The following SMG6 variants were observed in gnomAD, a reference collection of about 807,000 sequenced individuals.
SMG6 encodes telomerase-binding protein EST1A.
A neutral mutation model predicts 142.2 loss-of-function variants in SMG6; 66 were observed. That is an observed-to-expected ratio of 0.46 (90% CI 0.38 to 0.57). SMG6 has a LOEUF of 0.57. Ranked by LOEUF, SMG6 falls within the 20% of genes least tolerant of loss-of-function variation. SMG6 has a pLI of 0.00. For missense variants in SMG6, 1,793 were observed against 1,832.0 expected (o/e 0.98, Z 0.39); for synonymous variants, 779 against 702.4 (o/e 1.11, Z -1.72).
Position 2,068,274 on chromosome 17 carries a change from G to A in SMG6, c.3835+504C>T, listed in dbSNP as rs950596296. 2.0e-5 allele frequency among the ~76,000 whole-genome samples: 3 copies of A among 152,198 alleles called. No homozygotes were observed. The highest frequency in any genetic ancestry group is 2.9e-5 in the Non-Finnish European group (2 of 68,028). ...CATGAGCCAAGGGCTTGCTCTGGAG[G>A]GTTCCTGCTGGCCTAGCCTTAGGGT... On this transcript the variant is annotated intron_variant, in intron 16 of 18. Coordinates refer to ENST00000263073, the MANE Select transcript of SMG6 (RefSeq NM_017575.5). This position sits in a 1 kb window ranked among gnomAD's most constrained non-coding sequence, Gnocchi z 6.7.
chr17:2,245,890 G>C (rs946511548), intron 8 of SMG6, among the ~76,000 whole-genome samples: 1 of 151,934 alleles, frequency 6.6e-6, no homozygotes, highest in Non-Finnish European at 1.5e-5. Context: ...ACGTTGCCCA[G>C]ACTGGTCTCA....
chr17:2,302,512 G>A (rs1183204794), intron 1 of SMG6, among the ~76,000 whole-genome samples: 1 of 152,240 alleles, frequency 6.6e-6, no homozygotes, highest in African/African-American at 2.4e-5. Flanking sequence ...CTGCACTCCA[G>A]CCTGGGCGAC....
chr17:2,193,182 G>A (rs1376631318), intron 10 of SMG6, among the ~76,000 whole-genome samples: 1 of 152,192 alleles, frequency 6.6e-6, no homozygotes, highest in East Asian at 1.9e-4. Context: ...TGCTGTCTAT[G>A]TGGTAGTGGC....
At chr17:2,293,635 A>C (rs768506262) in intron 4 of SMG6, among the ~76,000 whole-genome samples, 1 of 151,924 alleles carries the variant, frequency 6.6e-6, no homozygotes, top group Non-Finnish European at 1.5e-5. Context: ...ATGCCTGGCT[A>C]ATTTTTTTAT....
intron 5 of SMG6, 96 bp downstream of exon 5, chr17:2,292,775 G>A (rs1439766913): frequency 1.3e-5 from 18 of 1,384,392 alleles, no homozygotes; most frequent in Non-Finnish European, 1.6e-5. Context: ...GACCAATAGG[G>A]ACACCTGTAC....
At chr17:2,084,875 C>A in intron 14 of SMG6, among the ~76,000 whole-genome samples, 1 of 152,196 alleles carries the variant, frequency 6.6e-6, no homozygotes, top group Non-Finnish European at 1.5e-5. Flanking sequence ...CACAGCAGGG[C>A]AGCTGGAAGT....
intron 1 of SMG6, among the ~76,000 whole-genome samples, chr17:2,302,689 T>G (rs1014176409): frequency 3.3e-5 from 5 of 152,180 alleles, no homozygotes; most frequent in Admixed American, 6.5e-5. Context: ...GAAAAGAGAC[T>G]GAGGTTTTGG....
chr17:2,168,732 GT>G (rs987012062), intron 13 of SMG6, among the ~76,000 whole-genome samples: 4 of 151,572 alleles, frequency 2.6e-5, no homozygotes, highest in South Asian at 2.1e-4. Context: ...AACAAAAAAA[GT>G]TTTTTTTGTT....
chr17:2,256,749 T>C (rs1242230536), intron 8 of SMG6, among the ~76,000 whole-genome samples: 3 of 151,460 alleles, frequency 2.0e-5, no homozygotes, highest in African/African-American at 4.8e-5. Context: ...CACTCCAGCC[T>C]GGGAGACACA....
At chr17:2,297,159 G>A in intron 4 of SMG6, 84 bp downstream of exon 4, 1 of 915,180 alleles carries the variant, frequency 1.1e-6, no homozygotes, top group Admixed American at 2.3e-5. Flanking sequence ...TCAACACCCA[G>A]TACAGTGTCT....
intron 10 of SMG6, among the ~76,000 whole-genome samples, chr17:2,217,994 A>T (rs1375914419): frequency 6.6e-6 from 1 of 151,614 alleles, no homozygotes; most frequent in Non-Finnish European, 1.5e-5. Flanking sequence ...TGGGCGACAC[A>T]GCGAGACTCG....
chr17:2,087,471 G>A lies in SMG6; in HGVS notation c.3358-1570C>T, dbSNP rs572480684. On this transcript the variant is annotated intron_variant, in intron 13 of 18. Transcript: ENST00000263073. ...TGTTCTCTGCTTTCTCTCACCATTG[G>A]CCCTGTTACCATTATAGGCTGGAAT... 193 of 1,089,580 alleles carry A rather than the reference G, an allele frequency of 1.8e-4. 1 individual carries two copies. In the African/African-American group the frequency reaches 3.0e-3, roughly 17 times the overall value. The allele number at this position is 1,089,580 out of a possible 1,614,324, so 67.5% of individuals were successfully genotyped here. A position where few individuals can be genotyped will look rare whatever the true frequency, so the allele number is the denominator to read the frequency against.
At chr17:2,294,853 A>G (rs1393817985) in intron 4 of SMG6, among the ~76,000 whole-genome samples, 2 of 150,676 alleles carry the variant, frequency 1.3e-5, no homozygotes, top group African/African-American at 2.4e-5. Context: ...AATACCACCA[A>G]GCATGTAAGA....
At chr17:2,112,754 AC>A (rs1211124419) in intron 13 of SMG6, among the ~76,000 whole-genome samples, 2 of 148,466 alleles carry the variant, frequency 1.3e-5, no homozygotes, top group African/African-American at 5.0e-5. Flanking sequence ...TGAGCTCCAA[AC>A]TTTTTTTTTT....
rs535789657 is a variant in SMG6, at chr17:2,249,053, A to AT, written c.2662-4335dup. Among the ~76,000 whole-genome samples the AT allele has an allele frequency of 9.1e-3, 1,315 of 144,962 alleles. 8 individuals carry two copies. Among genetic ancestry groups the AT allele is most frequent in the Non-Finnish European group, 0.012 (767 of 65,360 alleles). On this transcript the variant is annotated intron_variant, in intron 8 of 18. Transcript: ENST00000263073. ...AGGCGCCCGCCACCACGCCCCGTTA[A>AT]TTTTTTTTTTTTTGTATTTTCAGTA... is the stretch of plus-strand genomic sequence containing the variant.
chr17:2,243,618 T>C (rs1453936568), intron 9 of SMG6, among the ~76,000 whole-genome samples: 1 of 152,028 alleles, frequency 6.6e-6, no homozygotes, highest in Non-Finnish European at 1.5e-5. Context: ...AGGGCAGAGG[T>C]TGCAGAGAGT....
chr17:2,123,396 C>T (rs996572613), intron 13 of SMG6, among the ~76,000 whole-genome samples: 1 of 152,104 alleles, frequency 6.6e-6, no homozygotes, highest in Non-Finnish European at 1.5e-5. Context: ...AAAGGCAGTA[C>T]GACGGAAAGA....
chr17:2,172,098 C>T (rs2071521119), intron 13 of SMG6, among the ~76,000 whole-genome samples: 1 of 152,148 alleles, frequency 6.6e-6, no homozygotes, highest in African/African-American at 2.4e-5. Context: ...TATAAACAGA[C>T]AGGCAAGAAA....
In SMG6 at chr17:2,299,341, G is replaced by A. The variant is rs145169086; in HGVS notation, c.1412C>T (p.Thr471Met). ...AGTGTCCAAGAAATGTAGCTGGGGC[G>A]TCTGAGTCTTTAGAGCAGGTTTCTG... Reference protein sequence around the residue: ...PDQKPALKTQTPQLHFLDTDD... With the variant: ...PDQKPALKTQMPQLHFLDTDD... Residue 471 changes from threonine (T) to methionine (M), a missense_variant, in exon 2 of 19, where the codon ACG (threonine) becomes ATG (methionine). Thr to Met is a moderately conservative substitution (Grantham distance 81, BLOSUM62 -1). Transcript: ENST00000263073. The surrounding 1 kb of genome is among the most constrained non-coding windows in gnomAD (Gnocchi z 4.3). 1.1e-4 allele frequency: 173 copies of A among 1,614,070 alleles called. No homozygotes were observed. Among genetic ancestry groups the A allele is most frequent in the African/African-American group, 7.7e-4 (58 of 75,016 alleles).
Sources: allele counts gnomAD v4.1 joint callset (sites outside exome capture counted in the v4.1 genomes callset), GRCh38; gene constraint gnomAD v4.1.1; non-coding constraint Gnocchi (gnomAD v3.1); transcripts MANE v1.5; gene names NCBI Gene and HGNC (gene_info 2026-07-23, HGNC 2026-07-21).